Variants in TLE2 observed in about 807,000 individuals in gnomAD.
TLE2 encodes transducin-like enhancer protein 2.
TLE2 carries 74 observed loss-of-function variants against 97.2 expected under a neutral mutation model. That is an observed-to-expected ratio of 0.76 (90% CI 0.63 to 0.92). The LOEUF is 0.92. Among genes scored for constraint, TLE2 ranks in the 40% least tolerant of loss-of-function variants. TLE2 has a pLI of 0.00. For missense variants in TLE2, 1,038 were observed against 1,008.7 expected, an observed-to-expected ratio of 1.03 and a Z score of -0.39; for synonymous variants, 499 against 432.1, an observed-to-expected ratio of 1.15 and a Z score of -1.92.
chr19:3,006,700 C>A, intron 14 of TLE2, 31 bp from the exon 15 acceptor site: 1 of 1,557,044 alleles, frequency 6.4e-7, no homozygotes, highest in Non-Finnish European at 8.7e-7. Flanking sequence ...TGACCCAGCC[C>A]TGGGCACCAC....
rs1313554997 is a variant in TLE2, at chr19:2,999,666, G to A, written c.2124+981C>T. Among the ~76,000 whole-genome samples, 74 of 150,450 alleles carry A rather than the reference G, an allele frequency of 4.9e-4. No individual in the cohort carries two copies. In the Admixed American group the frequency reaches 5.0e-3, roughly 10 times the overall value. On this transcript the variant is annotated intron_variant, in intron 19 of 19. Coordinates refer to ENST00000262953, the MANE Select transcript of TLE2 (RefSeq NM_003260.5). ...GGTGTGAACCCAGGAGGCAGAGCTT[G>A]CAGTAAGCAGAGATAGTGCCGCTGC...
At chr19:3,014,522 C>G (rs1482244908) in intron 10 of TLE2, 48 bp downstream of exon 10, 2 of 1,510,056 alleles carry the variant, frequency 1.3e-6, no homozygotes, top group Non-Finnish European at 1.8e-6. Flanking sequence ...AAACCCACCC[C>G]TTGCTCTGTG....
At chr19:3,009,929 G>T (rs2089559447) in intron 12 of TLE2, among the ~76,000 whole-genome samples, 1 of 150,118 alleles carries the variant, frequency 6.7e-6, no homozygotes, top group Non-Finnish European at 1.5e-5. Flanking sequence ...TCTGTCGCCA[G>T]GCTGGAGTTC....
chr19:3,027,948 C>T (rs952091139), intron 3 of TLE2, 75 bp from the exon 4 acceptor site: 126 of 1,417,776 alleles, frequency 8.9e-5, no homozygotes, highest in Non-Finnish European at 1.2e-4. Context: ...ATGCCAGGGT[C>T]TTCCAAGAGT....
At chr19:3,031,246 T>C (rs1460869256), upstream of TLE2, among the ~76,000 whole-genome samples, 1 of 151,838 alleles carries the variant, frequency 6.6e-6, no homozygotes. Flanking sequence ...GAGAGGACCC[T>C]TGGGGGAGGG....
chr19:3,027,456 C>A (rs955790758), intron 4 of TLE2, among the ~76,000 whole-genome samples: 4 of 152,220 alleles, frequency 2.6e-5, no homozygotes, highest in African/African-American at 9.6e-5. Context: ...TGAAAGGGAC[C>A]TCTAAGAGTG....
intron 1 of TLE2, among the ~76,000 whole-genome samples, chr19:3,037,700 C>T (rs550793040): frequency 5.3e-5 from 8 of 152,166 alleles, no homozygotes; most frequent in Middle Eastern, 3.4e-3. Context: ...AAGAACTGGG[C>T]GGCTGGGGGA....
chr19:3,006,199 C>T, intron 15 of TLE2: 1 of 984,672 alleles, frequency 1.0e-6, no homozygotes, highest in South Asian at 1.3e-5. Flanking sequence ...GCCTGCAAAC[C>T]CTGTCCTGAT....
Position 3,028,983 on chromosome 19 carries a change from G to A in TLE2, c.-79C>T, listed in dbSNP as rs1198426887. 6.4e-6 allele frequency: 10 copies of A among 1,562,128 alleles called. No individual in the cohort carries two copies. The highest frequency in any genetic ancestry group is 2.7e-5 in the African/African-American group (2 of 73,056). On this transcript the variant is annotated 5_prime_UTR_variant, in exon 1 of 20. Transcript: ENST00000262953. ...CGGCAAGAGTGGGGGAGGCTGAAGT[G>A]GGGTGGTGGGGAGGCTGCCCGAAGA...
intron 17 of TLE2, among the ~76,000 whole-genome samples, 181 bp downstream of exon 17, chr19:3,005,256 T>A (rs2089448079): frequency 6.6e-6 from 1 of 152,142 alleles, no homozygotes; most frequent in Non-Finnish European, 1.5e-5. Flanking sequence ...TGTGTTCCCC[T>A]ACATCTTTAG....
chr19:3,042,290 A>C, intron 1 of TLE2, among the ~76,000 whole-genome samples: 2 of 29,552 alleles, frequency 6.8e-5, no homozygotes, highest in Non-Finnish European at 6.8e-5. Flanking sequence ...GCAGGGAGGA[A>C]GGGGGGGCGG....
intron 17 of TLE2, 76 bp from the exon 18 acceptor site, chr19:3,002,579 C>T (rs781508207): frequency 1.8e-4 from 275 of 1,510,754 alleles, no homozygotes; most frequent in Middle Eastern, 7.9e-4. Flanking sequence ...CACTCCGTCA[C>T]CCAGGCTGGA....
intron 19 of TLE2, among the ~76,000 whole-genome samples, chr19:2,998,237 A>ATATGTGTG: frequency 8.2e-6 from 1 of 121,426 alleles, no homozygotes; most frequent in South Asian, 2.7e-4. Flanking sequence ...CGCCCGGCCA[A>ATATGTGTG]TGTGTGTGTG....
At chr19:3,016,804 A>C (rs2089716660) in intron 8 of TLE2, among the ~76,000 whole-genome samples, 1 of 151,638 alleles carries the variant, frequency 6.6e-6, no homozygotes, top group Non-Finnish European at 1.5e-5. Context: ...TTTGAGATGG[A>C]GTCTCGCTCT....
rs1276137763 is a variant in TLE2, at chr19:3,005,844, T to G, written c.1625A>C (p.Glu542Ala). 4 of 1,613,818 alleles carry G rather than the reference T, an allele frequency of 2.5e-6. No individual in the cohort carries two copies. The Admixed American group carries it at 6.7e-5, about 27-fold the overall frequency. ...GCAGGCTGGGGCTGAGGAAGTCAGC[T>G]CGGCCTTGATACGGGGGGTGGGCGC... ...LAAPTPRIKAELTSSAPACYA... is the reference protein window; with the variant it reads ...LAAPTPRIKAALTSSAPACYA... The change falls in exon 16 of 20, where the codon GAG becomes GCG. Residue 542 changes from glutamate (E) to alanine (A), a missense_variant. By Grantham distance (107) the Glu-to-Ala change is moderately radical (BLOSUM62 -1). Transcript: ENST00000262953.
chr19:3,026,665 T>C (rs1204633225), intron 4 of TLE2, among the ~76,000 whole-genome samples: 2 of 150,820 alleles, frequency 1.3e-5, no homozygotes, highest in Non-Finnish European at 2.9e-5. Context: ...CTGAGGTCTA[T>C]CTCTGAACCC....
intron 5 of TLE2, among the ~76,000 whole-genome samples, chr19:3,023,117 CG>C (rs1195193262): frequency 4.0e-5 from 6 of 149,528 alleles, no homozygotes; most frequent in African/African-American, 1.5e-4. Context: ...TGCAATGGTG[CG>C]AACTCGGCTC....
At chr19:3,041,307 G>A (rs543783903) in intron 1 of TLE2, among the ~76,000 whole-genome samples, 17 of 152,064 alleles carry the variant, frequency 1.1e-4, no homozygotes, top group Admixed American at 3.3e-4. Context: ...GATTACAGGA[G>A]TGAGCCCCCG....
chr19:3,006,845 C>G (rs1042230819), intron 14 of TLE2, among the ~76,000 whole-genome samples, 176 bp from the exon 15 acceptor site: 29 of 150,228 alleles, frequency 1.9e-4, no homozygotes, highest in African/African-American at 6.9e-4. Context: ...TGCAGTGGCC[C>G]GATCTCAGCT....
Sources: gnomAD v4.1 joint callset for allele counts (sites outside exome capture counted in the v4.1 genomes callset) on GRCh38, gnomAD v4.1.1 for gene constraint, MANE v1.5 for transcripts, NCBI Gene and HGNC (gene_info 2026-07-23, HGNC 2026-07-21) for gene names.